The following ZNF654 variants were observed in gnomAD, a reference collection of about 807,000 sequenced individuals.
The protein encoded by ZNF654 is melanoma-associated antigen.
A neutral mutation model predicts 95.3 loss-of-function variants in ZNF654; 19 were observed. The observed-to-expected ratio is 0.20, with a 90% confidence interval of 0.14 to 0.29. The LOEUF is 0.29. Ranked by LOEUF, ZNF654 falls within the 10% of genes least tolerant of loss-of-function variation. The probability of loss-of-function intolerance (pLI) is 1.00; values close to 1 mark genes in which losing one functional copy is unlikely to be tolerated. For missense variants in ZNF654, 1,046 were observed against 1,341.0 expected (o/e 0.78, Z 3.44); for synonymous variants, 413 against 457.9 (o/e 0.90, Z 1.25).
Position 88,141,666 on chromosome 3 carries a change from G to A in ZNF654, c.*14G>A, listed in dbSNP as rs369369270. The A allele has an allele frequency of 8.0e-6, 12 of 1,503,574 alleles. No homozygotes were observed. The highest frequency in any genetic ancestry group is 1.1e-5 in the Non-Finnish European group (12 of 1,111,276). 93.1% of individuals were successfully genotyped at this position (1,503,574 alleles called of 1,614,324 possible). A position where few individuals can be genotyped will look rare whatever the true frequency, so the allele number is the denominator to read the frequency against. The stretch of plus-strand genomic sequence containing the variant: ...ACAGGTGCCTGATGAAAACGGTTCA[G>A]AAAGATCTGTCAATCAAGCAGTAGT... On this transcript the variant is annotated 3_prime_UTR_variant, in exon 9 of 9. Transcript: ENST00000636215.
intron 2 of ZNF654, among the ~76,000 whole-genome samples, chr3:88,100,825 G>T (rs867783888): frequency 3.9e-5 from 6 of 152,256 alleles, no homozygotes; most frequent in South Asian, 2.1e-4. Flanking sequence ...TGGGGAAAGC[G>T]GGGAGGGATA....
At chr3:88,109,193 G>A (rs991151516) in intron 2 of ZNF654, among the ~76,000 whole-genome samples, 4 of 142,468 alleles carry the variant, frequency 2.8e-5, no homozygotes, top group African/African-American at 1.0e-4. Context: ...GAAGAAAACC[G>A]TTAACTTTTT....
At chr3:88,080,028 T>TC (rs1357769702) in intron 1 of ZNF654, among the ~76,000 whole-genome samples, 1 of 152,058 alleles carries the variant, frequency 6.6e-6, no homozygotes, top group Non-Finnish European at 1.5e-5. Flanking sequence ...GACAAGTGAC[T>TC]CTTTTTTTTT....
At chr3:88,090,830 A>G (rs1708593749) in intron 2 of ZNF654, among the ~76,000 whole-genome samples, 1 of 152,210 alleles carries the variant, frequency 6.6e-6, no homozygotes, top group South Asian at 2.1e-4. Flanking sequence ...CATACATAAA[A>G]TACAGTAACA....
At chr3:88,117,564 A>G (rs1386549360) in intron 3 of ZNF654, among the ~76,000 whole-genome samples, 4 of 152,190 alleles carry the variant, frequency 2.6e-5, no homozygotes, top group Non-Finnish European at 5.9e-5. Flanking sequence ...AAAATAAAGA[A>G]TTTACAAATG....
At chr3:88,114,502 C>T (rs1705271279) in intron 3 of ZNF654, among the ~76,000 whole-genome samples, 1 of 152,102 alleles carries the variant, frequency 6.6e-6, no homozygotes, top group Non-Finnish European at 1.5e-5. Context: ...AGCGGTTTTG[C>T]ATACTTTTCT....
intron 2 of ZNF654, among the ~76,000 whole-genome samples, chr3:88,087,721 C>A (rs975216351): frequency 6.6e-6 from 1 of 152,126 alleles, no homozygotes; most frequent in African/African-American, 2.4e-5. Context: ...CAGAGTATGT[C>A]TCATAGGATA....
At chr3:88,060,600 A>T (rs547817552) in intron 1 of ZNF654, among the ~76,000 whole-genome samples, 27 of 152,314 alleles carry the variant, frequency 1.8e-4, no homozygotes, top group Non-Finnish European at 3.7e-4. Flanking sequence ...ACCTTGGACA[A>T]GTTACTCTGT....
intron 3 of ZNF654, among the ~76,000 whole-genome samples, chr3:88,122,294 T>C (rs1408727811): frequency 6.6e-6 from 1 of 152,126 alleles, no homozygotes; most frequent in Non-Finnish European, 1.5e-5. Context: ...ATACATGATG[T>C]GCAATAGGTG....
Position 88,141,763 on chromosome 3 carries a change from C to A in ZNF654, c.*111C>A. On this transcript the variant is annotated 3_prime_UTR_variant, in exon 9 of 9. Coordinates refer to ENST00000636215, the MANE Select transcript of ZNF654 (RefSeq NM_001350134.2). Reference sequence around the variant, plus strand: ...CTGATGGCCTTAATTTTAGAGTGGTCTTGGATTACTAAAGATAAAGACAAA... The same window carrying A: ...CTGATGGCCTTAATTTTAGAGTGGTATTGGATTACTAAAGATAAAGACAAA... 1 of 778,008 alleles carries A rather than the reference C, an allele frequency of 1.3e-6. No homozygotes were observed. Among genetic ancestry groups the A allele is most frequent in the South Asian group, 2.9e-5 (1 of 34,216 alleles). 48.2% of individuals were successfully genotyped at this position (778,008 alleles called of 1,614,324 possible). A position where few individuals can be genotyped will look rare whatever the true frequency, so the allele number is the denominator to read the frequency against.
chr3:88,129,570 CTT>C, intron 5 of ZNF654, 115 bp from the exon 6 acceptor site: 4 of 797,218 alleles, frequency 5.0e-6, no homozygotes, highest in Non-Finnish European at 5.6e-6. Context: ...TCATCATTGT[CTT>C]TGTAGAAGAA....
At chr3:88,119,857 A>G (rs1458035047) in intron 3 of ZNF654, among the ~76,000 whole-genome samples, 1 of 152,198 alleles carries the variant, frequency 6.6e-6, no homozygotes, top group Non-Finnish European at 1.5e-5. Flanking sequence ...ACTACCAACT[A>G]ATTTTGAAAT....
At chr3:88,104,816 A>G (rs528674342) in intron 2 of ZNF654, among the ~76,000 whole-genome samples, 1 of 152,318 alleles carries the variant, frequency 6.6e-6, no homozygotes, top group African/African-American at 2.4e-5. Context: ...TATTAAGATG[A>G]TAGGGTTTAA....
intron 1 of ZNF654, among the ~76,000 whole-genome samples, chr3:88,072,811 A>G (rs1000021226): frequency 2.6e-5 from 4 of 152,218 alleles, no homozygotes; most frequent in Admixed American, 6.5e-5. Context: ...GGTTTGAATA[A>G]ATTAATGAAT....
Position 88,140,669 on chromosome 3 carries a change from C to T in ZNF654, c.3000C>T (p.Asn1000=), listed in dbSNP as rs370947934. ...SSDPALKIDT[N]RIRTENGSIL... is the part of the protein sequence containing the mutation. The stretch of plus-strand genomic sequence containing the variant: ...ATCCTGCTTTGAAAATTGATACAAA[C>T]AGAATCAGGACAGAAAATGGTTCCA... The change falls in exon 8 of 9, where the codon AAC becomes AAT. Residue 1000 remains asparagine, a synonymous_variant. Transcript: ENST00000636215. 6.2e-7 allele frequency: 1 copy of T among 1,613,544 alleles called. No individual in the cohort carries two copies. The highest frequency in any genetic ancestry group is 1.3e-5 in the African/African-American group (1 of 74,856).
intron 6 of ZNF654, 100 bp from the exon 7 acceptor site, chr3:88,134,961 T>C (rs888074793): frequency 1.9e-4 from 159 of 820,400 alleles, no homozygotes; most frequent in Non-Finnish European, 2.0e-4. Flanking sequence ...TACACTCATA[T>C]ACATCCCAGC....
At position 88,140,725 on chromosome 3, in the gene ZNF654, A is replaced by C; in HGVS notation, c.3056A>C (p.Asn1019Thr). Reference sequence around the variant, plus strand: ...CCCAGTGTTGTACCACAAGAACACAACACCTTGCCAGTATCTCAGGCACCT... The same window carrying C: ...CCCAGTGTTGTACCACAAGAACACACCACCTTGCCAGTATCTCAGGCACCT... ...ILPSVVPQEHNTLPVSQAPSK... is the reference protein window; with the variant it reads ...ILPSVVPQEHTTLPVSQAPSK... Residue 1019 changes from asparagine to threonine, a missense_variant, in exon 8 of 9, where the codon AAC becomes ACC. Physicochemically the swap from Asn to Thr is moderately conservative, Grantham distance 65. Transcript: ENST00000636215. The C allele has an allele frequency of 6.2e-7, 1 of 1,613,780 alleles. No homozygotes were observed. The highest frequency in any genetic ancestry group is 8.5e-7 in the Non-Finnish European group (1 of 1,179,756).
At chr3:88,071,248 G>A (rs1031662499) in intron 1 of ZNF654, among the ~76,000 whole-genome samples, 23 of 152,084 alleles carry the variant, frequency 1.5e-4, no homozygotes, top group African/African-American at 5.3e-4. Context: ...GGTGGCTCGC[G>A]GCTGTAATCC....
chr3:88,103,986 T>G (rs369287288), intron 2 of ZNF654, among the ~76,000 whole-genome samples: 1 of 151,974 alleles, frequency 6.6e-6, no homozygotes, highest in Non-Finnish European at 1.5e-5. Context: ...GGTCTCGAAC[T>G]CCTTACCTCA....
Sources: gnomAD v4.1 joint callset for allele counts (sites outside exome capture counted in the v4.1 genomes callset) on GRCh38, gnomAD v4.1.1 for gene constraint, MANE v1.5 for transcripts, NCBI Gene and HGNC (gene_info 2026-07-23, HGNC 2026-07-21) for gene names.